The following CEP170 variants were observed in gnomAD, a reference collection of about 807,000 sequenced individuals.
CEP170 encodes centrosomal protein 170, also known as centrosomal protein of 170 kDa.
CEP170 carries 21 observed loss-of-function variants against 151.9 expected under a neutral mutation model. The observed-to-expected ratio is 0.14, with a 90% CI of 0.10 to 0.20. The LOEUF (loss-of-function observed/expected upper bound fraction) is 0.20. Among genes scored for constraint, CEP170 ranks in the 10% least tolerant of loss-of-function variants. The pLI, the probability that CEP170 is intolerant of heterozygous loss-of-function variation, is 1.00. For missense variants in CEP170, 964 were observed against 1,892.9 expected (o/e 0.51, Z 9.11); for synonymous variants, 356 against 648.8 (o/e 0.55, Z 6.86).
intron 8 of CEP170, among the ~76,000 whole-genome samples, chr1:243,187,194 G>A (rs1172530658): frequency 6.6e-6 from 1 of 152,118 alleles, no homozygotes; most frequent in East Asian, 1.9e-4. Context: ...TTTTCCCCAG[G>A]AAGCATATCA....
intron 8 of CEP170, among the ~76,000 whole-genome samples, chr1:243,187,362 C>T (rs979556092): frequency 6.6e-6 from 1 of 151,942 alleles, no homozygotes; most frequent in African/African-American, 2.4e-5. Flanking sequence ...TTCTCATTAC[C>T]TAAATAATAA....
chr1:243,146,005 A>G (rs1006745635), intron 14 of CEP170, among the ~76,000 whole-genome samples: 1 of 152,226 alleles, frequency 6.6e-6, no homozygotes, highest in African/African-American at 2.4e-5. Flanking sequence ...GTACTCAGGA[A>G]AACTGGAAAA....
chr1:243,159,801 G>GTGTGTGTGTGTGTGTGTGTT (rs1170946413), intron 13 of CEP170, among the ~76,000 whole-genome samples: 9 of 150,848 alleles, frequency 6.0e-5, no homozygotes, highest in African/African-American at 1.9e-4. Flanking sequence ...GTGTGTGTGT[G>GTGTGTGTGTGTGTGTGTGTT]TTTTTGAGAT....
rs1330627989 is a variant in CEP170, at chr1:243,231,191, ATTAT to A, written c.-41-5874_-41-5871del. ...CATCATCATCATCATCATCATCATC[ATTAT>A]TATTATTATTATCATCATTATTATT... On this transcript the variant is annotated intron_variant, in intron 1 of 19. Transcript: ENST00000366542. Among the ~76,000 whole-genome samples the A allele has an allele frequency of 2.9e-3, 207 of 70,992 alleles. 2 individuals are homozygous for A. Among genetic ancestry groups the A allele is most frequent in the Non-Finnish European group, 2.4e-3 (62 of 25,490 alleles). 46.6% of individuals were successfully genotyped at this position (70,992 alleles called of 152,430 possible). A position where few individuals can be genotyped will look rare whatever the true frequency, so the allele number is the denominator to read the frequency against.
chr1:243,202,574 A>C (rs113423274), intron 4 of CEP170, among the ~76,000 whole-genome samples: 1 of 151,950 alleles, frequency 6.6e-6, no homozygotes, highest in African/African-American at 2.4e-5. Flanking sequence ...CATATATATA[A>C]TATAGAAAAA....
At chr1:243,223,624 C>T (rs995200059) in intron 2 of CEP170, among the ~76,000 whole-genome samples, 3 of 152,144 alleles carry the variant, frequency 2.0e-5, no homozygotes, top group Admixed American at 6.5e-5. Flanking sequence ...CACTTAAGAC[C>T]TAAGAGAACA....
At chr1:243,136,361 G>A in intron 16 of CEP170, 130 bp from the exon 17 acceptor site, 1 of 987,086 alleles carries the variant, frequency 1.0e-6, no homozygotes, top group East Asian at 2.7e-5. Flanking sequence ...TTATAAACCA[G>A]TGAAGAATAT....
chr1:243,235,016 C>G (rs1295316308), intron 1 of CEP170, among the ~76,000 whole-genome samples: 1 of 152,076 alleles, frequency 6.6e-6, no homozygotes, highest in African/African-American at 2.4e-5. Context: ...TATACTGTTA[C>G]ACATGAGGAC....
intron 11 of CEP170, among the ~76,000 whole-genome samples, chr1:243,170,730 G>C (rs890478576): frequency 6.6e-6 from 1 of 152,218 alleles, no homozygotes; most frequent in African/African-American, 2.4e-5. Context: ...GGAGGCAGAG[G>C]TTGCAGTGAG....
intron 4 of CEP170, among the ~76,000 whole-genome samples, chr1:243,202,366 A>C (rs1490858920): frequency 1.3e-5 from 2 of 152,128 alleles, no homozygotes; most frequent in Admixed American, 6.6e-5. Flanking sequence ...TATACTACTC[A>C]GGTGGTGGGT....
At chr1:243,180,289 T>C (rs922979926) in intron 10 of CEP170, among the ~76,000 whole-genome samples, 1 of 152,186 alleles carries the variant, frequency 6.6e-6, no homozygotes, top group African/African-American at 2.4e-5. Flanking sequence ...CCTATTATGT[T>C]AGGCGTCTGG....
chr1:243,164,192 A>C (rs1196205283), intron 13 of CEP170, 92 bp downstream of exon 13: 7 of 1,292,288 alleles, frequency 5.4e-6, no homozygotes, highest in African/African-American at 1.5e-5. Flanking sequence ...TCTTGGGAAG[A>C]CAACTAGAAC....
At chr1:243,170,432 T>C (rs1558493093) in intron 11 of CEP170, among the ~76,000 whole-genome samples, 1 of 151,840 alleles carries the variant, frequency 6.6e-6, no homozygotes, top group Non-Finnish European at 1.5e-5. Flanking sequence ...AATGACAAGC[T>C]AAACACTGAA....
chr1:243,239,471 A>G (rs1161873470), intron 1 of CEP170, among the ~76,000 whole-genome samples: 1 of 152,240 alleles, frequency 6.6e-6, no homozygotes, highest in Non-Finnish European at 1.5e-5. Context: ...TTACATTTAT[A>G]AAAGTAAATG....
intron 1 of CEP170, among the ~76,000 whole-genome samples, chr1:243,239,558 AAAAGCC>A (rs2064616033): frequency 6.6e-6 from 1 of 152,192 alleles, no homozygotes; most frequent in Non-Finnish European, 1.5e-5. Flanking sequence ...GTTTTGAGTA[AAAAGCC>A]CTGTTATCTC....
intron 1 of CEP170, among the ~76,000 whole-genome samples, chr1:243,240,090 C>T (rs1206929690): frequency 6.6e-6 from 1 of 152,130 alleles, no homozygotes; most frequent in Non-Finnish European, 1.5e-5. Flanking sequence ...GAGGGTGGAT[C>T]ACCTGAAGTC....
rs139268057 is a variant in CEP170 at position 243,254,187 on chromosome 1, AAAATAAAT to A, written c.-42+845_-42+852del. ...AGTCCCTGTCTTCCTTACATTCCTC[AAAATAAAT>A]AAATAAATAAATAAATAAATAAATA... On this transcript the variant is annotated intron_variant, in intron 1 of 19. Coordinates refer to ENST00000366542, the MANE Select transcript of CEP170 (RefSeq NM_014812.3). Among the ~76,000 whole-genome samples the A allele has an allele frequency of 4.1e-4, 61 of 148,778 alleles. No individual in the cohort carries two copies. In the East Asian group the frequency reaches 4.1e-3, roughly 10 times the overall value.
chr1:243,186,517 C>T (rs1412663266), intron 8 of CEP170, 95 bp from the exon 9 acceptor site: 1 of 1,324,660 alleles, frequency 7.5e-7, no homozygotes, highest in Non-Finnish European at 1.0e-6. Flanking sequence ...TTGCTCCCCT[C>T]CTCCTTTTCA....
chr1:243,127,777 T>C (rs1419681954), intron 19 of CEP170, among the ~76,000 whole-genome samples: 1 of 152,202 alleles, frequency 6.6e-6, no homozygotes, highest in African/African-American at 2.4e-5. Flanking sequence ...CTCTTTCACT[T>C]TCTTCTCTCC....
Sources: gnomAD v4.1 joint callset for allele counts (sites outside exome capture counted in the v4.1 genomes callset) on GRCh38, gnomAD v4.1.1 for gene constraint, MANE v1.5 for transcripts, NCBI Gene and HGNC (gene_info 2026-07-23, HGNC 2026-07-21) for gene names.